The following CDH13 variants were observed in gnomAD, a reference collection of about 807,000 sequenced individuals.
CDH13 encodes the protein cadherin 13, also known as cadherin-13.
CDH13 carries 24 observed loss-of-function variants against 63.8 expected under a neutral mutation model. The observed-to-expected ratio is 0.38, with a 90% CI of 0.27 to 0.53. The LOEUF is 0.53. Ranked by LOEUF, CDH13 falls within the 20% of genes least tolerant of loss-of-function variation. The pLI is 0.85. For synonymous variants in CDH13, 503 were observed against 355.3 expected (o/e 1.42, Z -4.67); for missense variants, 1,049 against 903.1 (o/e 1.16, Z -2.07).
At chr16:83,574,367 A>T (rs1163063399) in intron 7 of CDH13, among the ~76,000 whole-genome samples, 2 of 152,130 alleles carry the variant, frequency 1.3e-5, no homozygotes, top group African/African-American at 4.8e-5. Context: ...TTGACTACCT[A>T]GCTCCAAGCA....
chr16:83,797,674 CA>C lies in CDH13; in HGVS notation c.*2645del, dbSNP rs1265580239. The C allele has an allele frequency of 6.6e-6, 1 of 152,214 alleles. No individual in the cohort carries two copies. The highest frequency in any genetic ancestry group is 1.5e-5 in the Non-Finnish European group (1 of 68,040). The allele number at this position is 152,214 out of a possible 1,614,324, so 9.4% of individuals were successfully genotyped here. Reference sequence around the variant, plus strand: ...AAATGTTATTTCATTATTACCTATGCATTTTATCTGAGTCCAACTTATTAAA... The same window carrying C: ...AAATGTTATTTCATTATTACCTATGCTTTTATCTGAGTCCAACTTATTAAA... On this transcript the variant is annotated 3_prime_UTR_variant, in exon 14 of 14. Transcript: ENST00000567109.
intron 1 of CDH13, among the ~76,000 whole-genome samples, chr16:82,662,179 A>G (rs1465367606): frequency 7.0e-6 from 1 of 143,816 alleles, no homozygotes; most frequent in African/African-American, 2.5e-5. Context: ...ACCCTTGTGT[A>G]TTGCCAGGTA....
intron 5 of CDH13, among the ~76,000 whole-genome samples, chr16:83,259,625 G>C (rs1371575691): frequency 1.3e-5 from 2 of 152,166 alleles, no homozygotes; most frequent in African/African-American, 4.8e-5. Context: ...GTCAATAGAA[G>C]ACTTCTCAGT....
chr16:83,084,656 A>C (rs540868441), intron 3 of CDH13, among the ~76,000 whole-genome samples: 1 of 152,290 alleles, frequency 6.6e-6, no homozygotes, highest in African/African-American at 2.4e-5. Context: ...CCGGAGGCTG[A>C]GGTGGGTGGA....
At chr16:82,972,843 C>G (rs1273251431) in intron 2 of CDH13, among the ~76,000 whole-genome samples, 3 of 152,134 alleles carry the variant, frequency 2.0e-5, no homozygotes, top group South Asian at 2.1e-4. Context: ...TGCTGCAGGT[C>G]TCTACCTTTT....
chr16:82,948,304 A>T lies in CDH13; in HGVS notation c.158-83706A>T, dbSNP rs184331871. On this transcript the variant is annotated intron_variant, in intron 2 of 13. Transcript: ENST00000567109. ...AGAAGTTCAGTTTAGGATTCTTTAT[A>T]TTCTAAAATTGTCTGCAAATACATT... Among the ~76,000 whole-genome samples, 9 of 152,294 alleles carry T rather than the reference A, an allele frequency of 5.9e-5. No individual in the cohort carries two copies. The East Asian group carries it at 1.7e-3, about 29-fold the overall frequency.
chr16:82,964,855 T>A (rs1907577457), intron 2 of CDH13, among the ~76,000 whole-genome samples: 1 of 152,196 alleles, frequency 6.6e-6, no homozygotes, highest in Admixed American at 6.5e-5. Context: ...CTTGTTGCTG[T>A]CCTGGTTAGG....
Position 83,149,554 on chromosome 16 carries a change from A to T in CDH13, c.483+24053A>T, listed in dbSNP as rs190226303. On this transcript the variant is annotated intron_variant, in intron 4 of 13. Transcript: ENST00000567109. ...ATGTGCTAGGTACGTATTAGGTAGG[A>T]TACCCCCATACCCTATTCTTTGTCT... Among the ~76,000 whole-genome samples the T allele has an allele frequency of 2.3e-3, 345 of 152,310 alleles. 1 individual carries two copies. The highest frequency in any genetic ancestry group is 7.9e-3 in the African/African-American group (328 of 41,564).
At chr16:83,514,951 C>T (rs534377458) in intron 7 of CDH13, among the ~76,000 whole-genome samples, 13 of 152,276 alleles carry the variant, frequency 8.5e-5, no homozygotes, top group African/African-American at 3.1e-4. Context: ...CTCCTGGACA[C>T]TGAGATGCCC....
At chr16:83,550,643 G>A (rs1158343071) in intron 7 of CDH13, among the ~76,000 whole-genome samples, 1 of 152,208 alleles carries the variant, frequency 6.6e-6, no homozygotes, top group Non-Finnish European at 1.5e-5. Flanking sequence ...TCTGATGAAT[G>A]TCTAGCAAAG....
rs548963417 is a variant in CDH13 at position 83,560,905 on chromosome 16, C to A, written c.961-41549C>A. On this transcript the variant is annotated intron_variant, in intron 7 of 13. Transcript: ENST00000567109. ...CAAGTGTACCATAAGGTTGGCCCCC[C>A]CCCCGCCCCAGGGGCTGAGGGTTGG... Among the ~76,000 whole-genome samples the A allele has an allele frequency of 6.6e-5, 10 of 152,110 alleles. 1 individual carries two copies. Among genetic ancestry groups the A allele is most frequent in the African/African-American group, 9.6e-5 (4 of 41,520 alleles).
chr16:83,030,880 C>G (rs887704820), intron 2 of CDH13, among the ~76,000 whole-genome samples: 1 of 151,828 alleles, frequency 6.6e-6, no homozygotes, highest in Non-Finnish European at 1.5e-5. Context: ...TCTAGATTCC[C>G]ACCATCCCTG....
chr16:83,467,341 C>T (rs1217130476), intron 6 of CDH13, among the ~76,000 whole-genome samples: 1 of 152,056 alleles, frequency 6.6e-6, no homozygotes, highest in Non-Finnish European at 1.5e-5. Context: ...GATTTCTTTT[C>T]CTGTAAATCC....
chr16:83,090,162 C>G (rs925166106), intron 3 of CDH13, among the ~76,000 whole-genome samples: 2 of 152,196 alleles, frequency 1.3e-5, no homozygotes, highest in Non-Finnish European at 2.9e-5. Flanking sequence ...AGCTTCTCCA[C>G]TTCTCTCCAA....
intron 2 of CDH13, among the ~76,000 whole-genome samples, chr16:83,024,169 G>C (rs1466933296): frequency 3.9e-5 from 6 of 152,192 alleles, no homozygotes; most frequent in Non-Finnish European, 8.8e-5. Context: ...AGCATTTCCA[G>C]AGGGTACAAC....
chr16:83,057,261 C>T (rs1032152703), intron 3 of CDH13, among the ~76,000 whole-genome samples: 1 of 152,158 alleles, frequency 6.6e-6, no homozygotes, highest in African/African-American at 2.4e-5. Context: ...CACTGCACCC[C>T]AGTCTCAGGT....
chr16:83,197,446 A>G (rs531797720), intron 4 of CDH13, among the ~76,000 whole-genome samples: 3 of 152,258 alleles, frequency 2.0e-5, no homozygotes, highest in South Asian at 2.1e-4. Flanking sequence ...ATTATTGACT[A>G]TGGTCACCTG....
chr16:83,397,184 T>A (rs1373359927), intron 6 of CDH13, among the ~76,000 whole-genome samples: 1 of 152,134 alleles, frequency 6.6e-6, no homozygotes, highest in African/African-American at 2.4e-5. Flanking sequence ...CCAAGTTGTG[T>A]TTCCCCAAGG....
At chr16:82,744,606 G>A (rs1212641437) in intron 1 of CDH13, among the ~76,000 whole-genome samples, 1 of 152,046 alleles carries the variant, frequency 6.6e-6, no homozygotes, top group African/African-American at 2.4e-5. Flanking sequence ...GCTCCAAGAA[G>A]GAGCTATAAC....
Sources: allele counts gnomAD v4.1 joint callset (sites outside exome capture counted in the v4.1 genomes callset), GRCh38; gene constraint gnomAD v4.1.1; transcripts MANE v1.5; gene names NCBI Gene and HGNC (gene_info 2026-07-23, HGNC 2026-07-21).